Variants in ERC2 observed in about 807,000 individuals in gnomAD.
ERC2 encodes ELKS/RAB6-interacting/CAST family member 2, also known as ERC protein 2.
In ERC2, 42 loss-of-function variants were observed where a neutral mutation model predicts 114.8. The observed-to-expected ratio is 0.37, with a 90% CI of 0.29 to 0.47. The LOEUF (loss-of-function observed/expected upper bound fraction) is 0.47. Among genes scored for constraint, ERC2 ranks in the 20% least tolerant of loss-of-function variants. ERC2 has a pLI of 0.99. For synonymous variants in ERC2, 454 were observed against 425.5 expected (o/e 1.07, Z -0.82); for missense variants, 939 against 1,150.7 (o/e 0.82, Z 2.66).
chr3:55,615,812 T>G (rs927871894), intron 17 of ERC2, among the ~76,000 whole-genome samples: 2 of 152,200 alleles, frequency 1.3e-5, no homozygotes, highest in African/African-American at 2.4e-5. Context: ...AAAAGTGGCA[T>G]GCGAGCAGGA....
At chr3:55,541,934 T>C (rs1306565632) in intron 17 of ERC2, among the ~76,000 whole-genome samples, 1 of 152,194 alleles carries the variant, frequency 6.6e-6, no homozygotes, top group Non-Finnish European at 1.5e-5. Flanking sequence ...GTCTTAAGAA[T>C]TTTCACAATT....
At chr3:56,216,500 A>G (rs1428926600) in intron 3 of ERC2, among the ~76,000 whole-genome samples, 2 of 152,224 alleles carry the variant, frequency 1.3e-5, no homozygotes, top group Non-Finnish European at 2.9e-5. Flanking sequence ...AGCAATAATT[A>G]ATAGCTTACC....
chr3:56,117,667 T>C (rs896021435), intron 6 of ERC2, among the ~76,000 whole-genome samples: 1 of 152,188 alleles, frequency 6.6e-6, no homozygotes, highest in East Asian at 1.9e-4. Flanking sequence ...TTGACACATA[T>C]AGAGTGCTCA....
chr3:56,403,360 ATTTAAAT>A (rs2060591071), intron 2 of ERC2, among the ~76,000 whole-genome samples: 1 of 150,622 alleles, frequency 6.6e-6, no homozygotes, highest in South Asian at 2.2e-4. Context: ...AACTATTTAA[ATTTAAAT>A]GAAATTAAAT....
At chr3:56,019,539 T>C (rs1162402411) in intron 7 of ERC2, among the ~76,000 whole-genome samples, 1 of 152,212 alleles carries the variant, frequency 6.6e-6, no homozygotes, top group African/African-American at 2.4e-5. Flanking sequence ...GTCAAGTGGC[T>C]GTTTCAAAGT....
chr3:55,724,097 C>G (rs1045378255), intron 15 of ERC2, among the ~76,000 whole-genome samples: 7 of 151,642 alleles, frequency 4.6e-5, no homozygotes, highest in African/African-American at 1.7e-4. Flanking sequence ...CAACAGATAC[C>G]TTGAGAATGA....
At chr3:55,986,098 A>G (rs1460917634) in intron 11 of ERC2, 110 bp from the exon 12 acceptor site, 8 of 1,029,450 alleles carry the variant, frequency 7.8e-6, no homozygotes, top group African/African-American at 1.6e-5. Flanking sequence ...CATATAGCCA[A>G]CAGATGTTAT....
chr3:55,749,702 C>T (rs2005178), intron 14 of ERC2, among the ~76,000 whole-genome samples: 4 of 151,956 alleles, frequency 2.6e-5, no homozygotes, highest in African/African-American at 4.8e-5. Flanking sequence ...AGAACATGGG[C>T]GGGGACAATA....
chr3:55,952,919 C>G (rs1454068326), intron 12 of ERC2, among the ~76,000 whole-genome samples: 8 of 152,032 alleles, frequency 5.3e-5, no homozygotes, highest in Non-Finnish European at 8.8e-5. Flanking sequence ...GGCGGCCGGG[C>G]ACGGTGGCTC....
rs556933789 is a variant in ERC2, at chr3:56,270,163, A to G, written c.1074+25856T>C. 1.3e-4 allele frequency among the ~76,000 whole-genome samples: 20 copies of G among 149,486 alleles called. No individual in the cohort carries two copies. The East Asian group carries it at 2.2e-3, about 16-fold the overall frequency. On this transcript the variant is annotated intron_variant, in intron 3 of 17. Transcript: ENST00000288221. ...TCTAAGTTTCCAATGAGGGCACAAG[A>G]GCACCTAAAAAAAAAAAAGAAAGAA...
chr3:56,347,004 TTAA>T (rs2058337372), intron 2 of ERC2, among the ~76,000 whole-genome samples: 2 of 152,152 alleles, frequency 1.3e-5, no homozygotes, highest in Admixed American at 6.5e-5. Context: ...GCACTGGGGA[TTAA>T]GTTTCCAAAA....
chr3:56,386,553 G>A (rs1300705980), intron 2 of ERC2, among the ~76,000 whole-genome samples: 1 of 152,038 alleles, frequency 6.6e-6, no homozygotes, highest in Admixed American at 6.6e-5. Flanking sequence ...GTTGTCTTAT[G>A]GGGTTGTTTT....
At chr3:55,996,950 G>A (rs75032426) in intron 10 of ERC2, among the ~76,000 whole-genome samples, 5,795 of 152,214 alleles carry the variant, frequency 0.038, 240 homozygotes, top group African/African-American at 0.1. Context: ...AAAATCATAC[G>A]TCTATTTACA....
intron 3 of ERC2, among the ~76,000 whole-genome samples, chr3:56,182,749 G>C (rs770765413): frequency 6.6e-6 from 1 of 152,152 alleles, no homozygotes; most frequent in Non-Finnish European, 1.5e-5. Flanking sequence ...ACTTGGCTTT[G>C]AGTTGATATT....
rs538740067 is a variant in ERC2 at position 56,414,024 on chromosome 3, G to T, written c.657+20327C>A. Among the ~76,000 whole-genome samples, 4 of 152,312 alleles carry T rather than the reference G, an allele frequency of 2.6e-5. No individual in the cohort carries two copies. In the South Asian group the frequency reaches 8.3e-4, roughly 32 times the overall value. ...GTGTCCTTAGGAAAGGCAGGGTTGG[G>T]ATGCTGATTTCATCACAATTCTGCC... On this transcript the variant is annotated intron_variant, in intron 2 of 17. Coordinates refer to ENST00000288221, the MANE Select transcript of ERC2 (RefSeq NM_015576.3).
intron 3 of ERC2, among the ~76,000 whole-genome samples, chr3:56,288,108 C>T (rs2054842572): frequency 6.6e-6 from 1 of 152,174 alleles, no homozygotes. Flanking sequence ...AATGTTTCCA[C>T]TCAAGACAGG....
At chr3:56,438,268 C>G (rs998080419) in intron 1 of ERC2, among the ~76,000 whole-genome samples, 1 of 152,202 alleles carries the variant, frequency 6.6e-6, no homozygotes, top group Non-Finnish European at 1.5e-5. Flanking sequence ...CTTCATCTGT[C>G]ATAATTGCCT....
At chr3:55,962,442 A>T (rs1229957256) in intron 12 of ERC2, among the ~76,000 whole-genome samples, 1 of 152,246 alleles carries the variant, frequency 6.6e-6, no homozygotes, top group Admixed American at 6.5e-5. Context: ...CAATATATAC[A>T]TTAATATATA....
chr3:56,367,536 C>T (rs11710335), intron 2 of ERC2, among the ~76,000 whole-genome samples: 35,148 of 151,968 alleles, frequency 0.23, 4,642 homozygotes, highest in Non-Finnish European at 0.29. Flanking sequence ...CAAGATGCCA[C>T]TTGCATTTAA....
Sources: gnomAD v4.1 joint callset for allele counts (sites outside exome capture counted in the v4.1 genomes callset) on GRCh38, gnomAD v4.1.1 for gene constraint, MANE v1.5 for transcripts, NCBI Gene and HGNC (gene_info 2026-07-23, HGNC 2026-07-21) for gene names.